Variants in SGSM1 observed in about 807,000 individuals in gnomAD.
The protein encoded by SGSM1 is small G protein signaling modulator 1.
SGSM1 carries 73 observed loss-of-function variants against 133.8 expected under a neutral mutation model. The observed-to-expected ratio is 0.55, with a 90% confidence interval of 0.45 to 0.66. The LOEUF (loss-of-function observed/expected upper bound fraction) is 0.66. Among genes scored for constraint, SGSM1 ranks in the 30% least tolerant of loss-of-function variants. The probability of loss-of-function intolerance (pLI) is 0.00; values close to 1 mark genes in which losing one functional copy is unlikely to be tolerated. For missense variants in SGSM1, 1,213 were observed against 1,448.1 expected (o/e 0.84, Z 2.64); for synonymous variants, 563 against 573.0 (o/e 0.98, Z 0.25).
intron 2 of SGSM1, among the ~76,000 whole-genome samples, chr22:24,837,578 A>ACC (rs71189302): frequency 0.012 from 609 of 51,784 alleles, 14 homozygotes; most frequent in Non-Finnish European, 0.018. Flanking sequence ...GGAAAGGGAG[A>ACC]CCCCCCCCCC....
intron 16 of SGSM1, among the ~76,000 whole-genome samples, chr22:24,889,031 G>A (rs1435049446): frequency 2.9e-5 from 4 of 137,668 alleles, no homozygotes; most frequent in Admixed American, 8.3e-5. Context: ...GTGCAATCTC[G>A]GCTTACTACA....
intron 2 of SGSM1, among the ~76,000 whole-genome samples, chr22:24,831,586 G>A (rs999879832): frequency 6.6e-6 from 1 of 152,190 alleles, no homozygotes; most frequent in Non-Finnish European, 1.5e-5. Flanking sequence ...CCTGGAGGCA[G>A]TCAGGGCCTT....
intron 9 of SGSM1, 132 bp from the exon 10 acceptor site, chr22:24,866,961 C>T (rs1372915120): frequency 2.5e-6 from 2 of 805,494 alleles, no homozygotes; most frequent in African/African-American, 1.7e-5. Context: ...TCTGGGCAGG[C>T]TGGGACACAG....
intron 21 of SGSM1, among the ~76,000 whole-genome samples, chr22:24,907,241 CAA>C (rs1180507523): frequency 2.0e-5 from 3 of 149,916 alleles, no homozygotes; most frequent in Non-Finnish European, 4.4e-5. Context: ...GCCTGGGTGA[CAA>C]GAGCAAAACT....
intron 21 of SGSM1, among the ~76,000 whole-genome samples, chr22:24,911,702 A>T (rs1372498442): frequency 1.3e-5 from 2 of 152,184 alleles, no homozygotes; most frequent in Non-Finnish European, 2.9e-5. Context: ...AAGGCATCAG[A>T]TAAATTCCAT....
intron 5 of SGSM1, among the ~76,000 whole-genome samples, chr22:24,853,481 GGTGTATTA>G (rs1393200360): frequency 7.2e-5 from 11 of 152,174 alleles, no homozygotes; most frequent in Non-Finnish European, 1.6e-4. Context: ...TTGTGTTGAT[GGTGTATTA>G]GTTCGTTTTC....
At chr22:24,822,381 C>T (rs182488050) in intron 2 of SGSM1, among the ~76,000 whole-genome samples, 1 of 152,182 alleles carries the variant, frequency 6.6e-6, no homozygotes, top group African/African-American at 2.4e-5. Context: ...CGTGAGCCAC[C>T]GCGCCTGGTC....
chr22:24,852,207 A>G (rs1462035623), intron 5 of SGSM1, among the ~76,000 whole-genome samples: 1 of 152,238 alleles, frequency 6.6e-6, no homozygotes, highest in East Asian at 1.9e-4. Flanking sequence ...CAGGAAATTG[A>G]CATTGGTACA....
Position 24,806,432 on chromosome 22 carries a change from G to C in SGSM1, c.20-9G>C, listed in dbSNP as rs1927388948. The C allele has an allele frequency of 6.6e-7, 1 of 1,523,876 alleles. No individual in the cohort carries two copies. The highest frequency in any genetic ancestry group is 8.8e-7 in the Non-Finnish European group (1 of 1,135,336). The allele number at this position is 1,523,876 out of a possible 1,614,324, so 94.4% of individuals were successfully genotyped here. A position where few individuals can be genotyped will look rare whatever the true frequency, so the allele number is the denominator to read the frequency against. ...GGCTGACCCGCGGCTCTCGTTTCTT[G>C]TCCCACAGAGGCGGAGACCCGACAG... On this transcript the variant is annotated splice_polypyrimidine_tract_variant and intron_variant, in intron 1 of 24. Coordinates refer to ENST00000400358, the MANE Select transcript of SGSM1 (RefSeq NM_001098497.3).
At chr22:24,827,809 T>C (rs768368357) in intron 2 of SGSM1, among the ~76,000 whole-genome samples, 3 of 152,064 alleles carry the variant, frequency 2.0e-5, no homozygotes, top group Non-Finnish European at 2.9e-5. Flanking sequence ...AGTGAATAGC[T>C]GAGGATTCGA....
In SGSM1 at chr22:24,812,760, C is replaced by G. The variant is rs559291150; in HGVS notation, c.63+6276C>G. 3.9e-5 allele frequency among the ~76,000 whole-genome samples: 6 copies of G among 152,234 alleles called. No individual in the cohort carries two copies. The South Asian group carries it at 1.2e-3, about 32-fold the overall frequency. On this transcript the variant is annotated intron_variant, in intron 2 of 24. Coordinates refer to ENST00000400358, the MANE Select transcript of SGSM1 (RefSeq NM_001098497.3). Reference sequence around the variant, plus strand: ...GTTTCTGCCAACTCTTAGAAGAAAACTTTCTCCCTCCCTCTGTTATTTTCT... The same window carrying G: ...GTTTCTGCCAACTCTTAGAAGAAAAGTTTCTCCCTCCCTCTGTTATTTTCT...
At chr22:24,922,473 C>T (rs1322422626) in intron 24 of SGSM1, among the ~76,000 whole-genome samples, 11 of 132,424 alleles carry the variant, frequency 8.3e-5, no homozygotes, top group African/African-American at 2.9e-4. Flanking sequence ...AGCCACTGTG[C>T]CCGGCCTTTT....
intron 21 of SGSM1, among the ~76,000 whole-genome samples, chr22:24,909,010 A>G (rs1217431860): frequency 6.6e-6 from 1 of 152,178 alleles, no homozygotes; most frequent in Non-Finnish European, 1.5e-5. Context: ...GCTAGTGAGC[A>G]TTACAGCCTG....
intron 2 of SGSM1, among the ~76,000 whole-genome samples, chr22:24,842,744 C>T (rs1929877524): frequency 6.6e-6 from 1 of 152,168 alleles, no homozygotes; most frequent in Non-Finnish European, 1.5e-5. Context: ...GCCAAAATAA[C>T]GGTGATGGGA....
intron 3 of SGSM1, among the ~76,000 whole-genome samples, chr22:24,846,099 C>A (rs967919684): frequency 9.6e-5 from 14 of 145,546 alleles, no homozygotes; most frequent in Non-Finnish European, 3.0e-5. Context: ...AGTGCAGTGG[C>A]ACAATCACAG....
chr22:24,807,888 CGTGTGTGT>C (rs71189301), intron 2 of SGSM1, among the ~76,000 whole-genome samples: 15 of 147,770 alleles, frequency 1.0e-4, no homozygotes, highest in South Asian at 2.2e-4. Flanking sequence ...TATGTGCCTG[CGTGTGTGT>C]GTGTGTGTGT....
At chr22:24,840,392 G>T (rs1929719471) in intron 2 of SGSM1, among the ~76,000 whole-genome samples, 1 of 152,104 alleles carries the variant, frequency 6.6e-6, no homozygotes, top group African/African-American at 2.4e-5. Context: ...CACCCAAGCT[G>T]AAGTGCAATA....
At chr22:24,905,228 C>A (rs1359573909) in intron 21 of SGSM1, 41 bp downstream of exon 21, 1 of 1,563,346 alleles carries the variant, frequency 6.4e-7, no homozygotes. Flanking sequence ...GGGTGCATTT[C>A]CTTTCCACTG....
chr22:24,852,273 GA>G (rs1930526492), intron 5 of SGSM1, among the ~76,000 whole-genome samples: 1 of 152,030 alleles, frequency 6.6e-6, no homozygotes, highest in Non-Finnish European at 1.5e-5. Context: ...TATATTTACT[GA>G]ATTTTTTTAT....
Sources: gnomAD v4.1 joint callset for allele counts (sites outside exome capture counted in the v4.1 genomes callset) on GRCh38, gnomAD v4.1.1 for gene constraint, MANE v1.5 for transcripts, NCBI Gene and HGNC (gene_info 2026-07-23, HGNC 2026-07-21) for gene names.